Variants in PRKCA observed in about 807,000 individuals in gnomAD.
PRKCA encodes the protein protein kinase C alpha, also known as protein kinase C alpha type.
A neutral mutation model predicts 87.0 loss-of-function variants in PRKCA; 27 were observed. The ratio of observed to expected loss-of-function variants is 0.31; its 90% confidence interval spans 0.23 to 0.43. PRKCA has a LOEUF of 0.43. Among genes scored for constraint, PRKCA ranks in the 20% least tolerant of loss-of-function variants. The probability of loss-of-function intolerance (pLI) is 1.00; values close to 1 mark genes in which losing one functional copy is unlikely to be tolerated. For missense variants in PRKCA, 518 were observed against 852.3 expected (o/e 0.61, Z 4.88); for synonymous variants, 329 against 311.1 (o/e 1.06, Z -0.61).
At chr17:66,794,202 A>AT (rs1300697424) in intron 16 of PRKCA, among the ~76,000 whole-genome samples, 9 of 151,966 alleles carry the variant, frequency 5.9e-5, no homozygotes, top group East Asian at 1.9e-4. Context: ...ACAGATGGCC[A>AT]TTTTTTTTGT....
chr17:66,803,726 A>G lies in PRKCA; in HGVS notation c.1855-147A>G. The G allele has an allele frequency of 9.3e-7, 1 of 1,079,984 alleles. No homozygotes were observed. The highest frequency in any genetic ancestry group is 1.3e-6 in the Non-Finnish European group (1 of 769,236). 66.9% of individuals were successfully genotyped at this position (1,079,984 alleles called of 1,614,324 possible). A position where few individuals can be genotyped will look rare whatever the true frequency, so the allele number is the denominator to read the frequency against. On this transcript the variant is annotated intron_variant, in intron 16 of 16. Transcript: ENST00000413366. This position sits in a 1 kb window ranked among gnomAD's most constrained non-coding sequence, Gnocchi z 4.4. ...CTGCTGTGCCTGGCTTTTCAATCCA[A>G]TAGGCCTGCAAGTCCTCCGAGATTC...
chr17:66,731,770 CCTTT>C, intron 8 of PRKCA, among the ~76,000 whole-genome samples: 1 of 146,862 alleles, frequency 6.8e-6, no homozygotes, highest in African/African-American at 2.5e-5. Flanking sequence ...CCTTGTGCTC[CCTTT>C]CTTTTTTTTT....
At position 66,641,389 on chromosome 17, in the gene PRKCA, C is replaced by G; in HGVS notation, c.323C>G (p.Thr108Ser). The change falls in exon 4 of 17, where the codon ACT (threonine) becomes AGT (serine). Residue 108 changes from threonine (T) to serine (S), a missense_variant. Transcript: ENST00000413366. Reference protein sequence around the residue: ...PRSKHKFKIHTYGSPTFCDHC... With the variant: ...PRSKHKFKIHSYGSPTFCDHC... ...AGCAAGCACAAGTTCAAAATCCACACTTACGGAAGCCCCACCTTCTGCGAT... is the reference window on the plus strand; with the variant it reads ...AGCAAGCACAAGTTCAAAATCCACAGTTACGGAAGCCCCACCTTCTGCGAT... 1 of 1,612,846 alleles carries G rather than the reference C, an allele frequency of 6.2e-7. No individual in the cohort carries two copies. The highest frequency in any genetic ancestry group is 2.2e-5 in the East Asian group (1 of 44,850).
chr17:66,308,816 C>T (rs531562104), intron 2 of PRKCA, among the ~76,000 whole-genome samples: 6 of 152,254 alleles, frequency 3.9e-5, no homozygotes, highest in African/African-American at 9.6e-5. Flanking sequence ...TGGCTCCTAC[C>T]GCAAAATTAA....
At chr17:66,446,876 G>A (rs1914063607) in intron 2 of PRKCA, among the ~76,000 whole-genome samples, 1 of 152,166 alleles carries the variant, frequency 6.6e-6, no homozygotes, top group Non-Finnish European at 1.5e-5. Flanking sequence ...GTGTGTTGGA[G>A]GGGTCAGGGC....
intron 13 of PRKCA, among the ~76,000 whole-genome samples, chr17:66,760,310 G>T (rs1458314443): frequency 6.6e-6 from 1 of 152,268 alleles, no homozygotes; most frequent in Admixed American, 6.5e-5. Flanking sequence ...AATAGTGTGG[G>T]TCTAAGAAGA....
At chr17:66,312,376 C>T (rs1398317332) in intron 2 of PRKCA, among the ~76,000 whole-genome samples, 1 of 152,208 alleles carries the variant, frequency 6.6e-6, no homozygotes. Flanking sequence ...TTTTTAGACA[C>T]ATTAACTCCT....
intron 2 of PRKCA, among the ~76,000 whole-genome samples, chr17:66,367,874 G>T (rs1908826522): frequency 6.6e-6 from 1 of 152,182 alleles, no homozygotes; most frequent in Non-Finnish European, 1.5e-5. Flanking sequence ...CTGCAAAATA[G>T]CTGCTCAATA....
intron 13 of PRKCA, among the ~76,000 whole-genome samples, chr17:66,763,749 G>A (rs1974737095): frequency 6.6e-6 from 1 of 152,138 alleles, no homozygotes; most frequent in Non-Finnish European, 1.5e-5. Context: ...TGGGCTCTAG[G>A]GGTTTGCTGT....
At chr17:66,735,794 A>AGTCACCT in intron 10 of PRKCA, 132 bp downstream of exon 10, 1 of 987,114 alleles carries the variant, frequency 1.0e-6, no homozygotes, top group Non-Finnish European at 1.5e-6. Context: ...AGCAGAGGTG[A>AGTCACCT]CTGGGGACCA....
intron 14 of PRKCA, chr17:66,774,563 G>A: frequency 2.2e-6 from 2 of 920,490 alleles, no homozygotes; most frequent in South Asian, 4.7e-5. Flanking sequence ...GGAGGCTGCA[G>A]TGAGCCAAGA....
intron 3 of PRKCA, among the ~76,000 whole-genome samples, chr17:66,510,969 A>T (rs1358437978): frequency 6.6e-6 from 1 of 151,978 alleles, no homozygotes; most frequent in African/African-American, 2.4e-5. Flanking sequence ...CTGGTCTCGA[A>T]CTCCGGTACT....
At chr17:66,421,973 A>T (rs575641414) in intron 2 of PRKCA, among the ~76,000 whole-genome samples, 35 of 152,216 alleles carry the variant, frequency 2.3e-4, no homozygotes, top group Non-Finnish European at 4.1e-4. Context: ...TGGTGGCTAG[A>T]TGTTTAAGAT....
chr17:66,501,913 G>A (rs1341965779), intron 3 of PRKCA, among the ~76,000 whole-genome samples: 2 of 152,128 alleles, frequency 1.3e-5, no homozygotes, highest in African/African-American at 4.8e-5. Flanking sequence ...GCCATTGATT[G>A]CCTGCCTCCG....
intron 15 of PRKCA, among the ~76,000 whole-genome samples, chr17:66,788,529 G>T (rs992601783): frequency 6.6e-6 from 1 of 151,826 alleles, no homozygotes; most frequent in Non-Finnish European, 1.5e-5. Flanking sequence ...TACATGTATA[G>T]CATGGTGTCT....
At chr17:66,322,802 G>C (rs1351395903) in intron 2 of PRKCA, among the ~76,000 whole-genome samples, 3 of 151,848 alleles carry the variant, frequency 2.0e-5, no homozygotes, top group Non-Finnish European at 4.4e-5. Flanking sequence ...AGTAACATTG[G>C]ATCATATTTT....
At chr17:66,731,030 G>A (rs533459757) in intron 8 of PRKCA, among the ~76,000 whole-genome samples, 1 of 152,266 alleles carries the variant, frequency 6.6e-6, no homozygotes, top group East Asian at 1.9e-4. Flanking sequence ...GCTAAGGTCT[G>A]CTGCACTAGG....
At chr17:66,759,275 G>A (rs1974626451) in intron 13 of PRKCA, among the ~76,000 whole-genome samples, 2 of 151,838 alleles carry the variant, frequency 1.3e-5, no homozygotes, top group South Asian at 4.2e-4. Flanking sequence ...AGAATGGCGT[G>A]AACCCGGGAG....
At chr17:66,467,750 G>A (rs899618016) in intron 2 of PRKCA, among the ~76,000 whole-genome samples, 1 of 151,864 alleles carries the variant, frequency 6.6e-6, no homozygotes, top group Non-Finnish European at 1.5e-5. Flanking sequence ...TGGAGATGGG[G>A]TCTCACTATG....
Sources: allele counts gnomAD v4.1 joint callset (sites outside exome capture counted in the v4.1 genomes callset), GRCh38; gene constraint gnomAD v4.1.1; non-coding constraint Gnocchi (gnomAD v3.1); transcripts MANE v1.5; gene names NCBI Gene and HGNC (gene_info 2026-07-23, HGNC 2026-07-21).